OTUD7A: variants seen among roughly 807,000 people sequenced by gnomAD.
OTUD7A encodes the protein OTU deubiquitinase 7A.
OTUD7A carries 12 observed loss-of-function variants against 65.7 expected under a neutral mutation model. That is an observed-to-expected ratio of 0.18 (90% CI 0.12 to 0.30). The LOEUF is 0.30. Among genes scored for constraint, OTUD7A ranks in the 10% least tolerant of loss-of-function variants. The probability of loss-of-function intolerance (pLI) is 1.00; values close to 1 mark genes in which losing one functional copy is unlikely to be tolerated. For missense variants in OTUD7A, 1,148 were observed against 1,304.8 expected (o/e 0.88, Z 1.85); for synonymous variants, 641 against 586.3 (o/e 1.09, Z -1.35).
chr15:31,601,034 A>G lies in OTUD7A; in HGVS notation c.152-30837T>C, dbSNP rs142370516. ...TGGGAGACCTTAACAACCCACTGCC[A>G]ATATTAGACAGATCACTGAGACAGA... On this transcript the variant is annotated intron_variant, in intron 3 of 12. Transcript: ENST00000307050. Among the ~76,000 whole-genome samples the G allele has an allele frequency of 2.7e-3, 416 of 152,306 alleles. 1 individual carries two copies. The highest frequency in any genetic ancestry group is 4.7e-3 in the Non-Finnish European group (321 of 68,024).
At chr15:31,784,816 A>G (rs1269298898) in intron 1 of OTUD7A, among the ~76,000 whole-genome samples, 3 of 152,168 alleles carry the variant, frequency 2.0e-5, no homozygotes, top group Non-Finnish European at 4.4e-5. Context: ...TACTTTTTCA[A>G]AAAGAATGAA....
At position 31,483,548 on chromosome 15, in the gene OTUD7A, C is replaced by A; in HGVS notation, c.2548G>T (p.Ala850Ser). The change falls in exon 13 of 13, where the codon GCG becomes TCG. Residue 850 changes from alanine (A) to serine (S), a missense_variant. Ala to Ser is a moderately conservative substitution (Grantham distance 99). Transcript: ENST00000307050. ...ALPGAAGTAG[A>S]AEHKSQTYTN... ...TAGGTCTGCGACTTGTGCTCGGCCG[C>A]CCCCGCCGTCCCCGCCGCGCCCGGT... 1 of 1,314,336 alleles carries A rather than the reference C, an allele frequency of 7.6e-7. No homozygotes were observed. Among genetic ancestry groups the A allele is most frequent in the Non-Finnish European group, 9.7e-7 (1 of 1,029,050 alleles). The allele number at this position is 1,314,336 out of a possible 1,614,324, so 81.4% of individuals were successfully genotyped here. A position where few individuals can be genotyped will look rare whatever the true frequency, so the allele number is the denominator to read the frequency against.
At chr15:31,594,154 A>T (rs1259374000) in intron 3 of OTUD7A, among the ~76,000 whole-genome samples, 1 of 152,238 alleles carries the variant, frequency 6.6e-6, no homozygotes, top group Admixed American at 6.5e-5. Flanking sequence ...CCTAAAAATT[A>T]AAGTATGCTT....
In OTUD7A at chr15:31,846,340, G is replaced by A. The variant is rs146997578; in HGVS notation, c.-100+24167C>T. Reference sequence around the variant, plus strand: ...TTTCTTTTTTGGGTAGAGGTTTGTGGAGGAAGGGTATGGGATTACATATAA... The same window carrying A: ...TTTCTTTTTTGGGTAGAGGTTTGTGAAGGAAGGGTATGGGATTACATATAA... On this transcript the variant is annotated intron_variant, in intron 1 of 12. Transcript: ENST00000307050. 2.1e-3 allele frequency among the ~76,000 whole-genome samples: 326 copies of A among 152,304 alleles called. 1 individual carries two copies. The highest frequency in any genetic ancestry group is 7.6e-3 in the African/African-American group (315 of 41,548).
chr15:31,618,588 C>G (rs79756280), intron 3 of OTUD7A, among the ~76,000 whole-genome samples: 1 of 151,904 alleles, frequency 6.6e-6, no homozygotes, highest in Admixed American at 6.6e-5. Context: ...TTTTGAGAAG[C>G]GTCTGTTCAT....
chr15:31,667,226 C>A (rs925624544), intron 1 of OTUD7A, among the ~76,000 whole-genome samples: 3 of 134,946 alleles, frequency 2.2e-5, no homozygotes, highest in African/African-American at 9.7e-5. Flanking sequence ...CAGTGGAGTA[C>A]TGAAGTCCCC....
chr15:31,591,578 C>A (rs547936302), intron 3 of OTUD7A, among the ~76,000 whole-genome samples: 4 of 152,152 alleles, frequency 2.6e-5, no homozygotes, highest in African/African-American at 9.7e-5. Context: ...GGAACTTACA[C>A]CCCCAGCTCT....
intron 3 of OTUD7A, among the ~76,000 whole-genome samples, chr15:31,654,738 G>T (rs1471536455): frequency 6.6e-6 from 1 of 152,176 alleles, no homozygotes; most frequent in Non-Finnish European, 1.5e-5. Flanking sequence ...AAAAGCTGGA[G>T]GATGAAGGCT....
intron 5 of OTUD7A, among the ~76,000 whole-genome samples, chr15:31,539,067 A>G (rs932719533): frequency 1.4e-4 from 22 of 152,170 alleles, no homozygotes; most frequent in African/African-American, 4.8e-4. Context: ...TCTCCCCTGC[A>G]GTAGAGACTG....
At chr15:31,629,120 C>A (rs1891058802) in intron 3 of OTUD7A, among the ~76,000 whole-genome samples, 1 of 152,070 alleles carries the variant, frequency 6.6e-6, no homozygotes, top group South Asian at 2.1e-4. Context: ...CCAGAACTTC[C>A]AACACTATGT....
chr15:31,679,895 A>C (rs1477732734), intron 1 of OTUD7A, among the ~76,000 whole-genome samples: 1 of 152,228 alleles, frequency 6.6e-6, no homozygotes, highest in African/African-American at 2.4e-5. Context: ...ACATAACAGA[A>C]TAAGAAGTTC....
intron 5 of OTUD7A, among the ~76,000 whole-genome samples, chr15:31,538,036 T>C (rs1352314739): frequency 6.6e-6 from 1 of 152,230 alleles, no homozygotes; most frequent in African/African-American, 2.4e-5. Context: ...CAAATGTTCA[T>C]ACGTCCAAGA....
intron 1 of OTUD7A, chr15:31,767,153 G>T: frequency 7.4e-7 from 1 of 1,356,334 alleles, no homozygotes; most frequent in East Asian, 2.3e-5. Flanking sequence ...TGAGAAGGCG[G>T]CACTCAGTTG....
intron 3 of OTUD7A, among the ~76,000 whole-genome samples, chr15:31,621,883 T>A (rs1890797854): frequency 6.6e-6 from 1 of 152,204 alleles, no homozygotes; most frequent in African/African-American, 2.4e-5. Context: ...CAATTTGGCA[T>A]GTTTTTGCAG....
chr15:31,773,754 T>C lies in OTUD7A; in HGVS notation c.-100+96753A>G, dbSNP rs116288953. Among the ~76,000 whole-genome samples the C allele has an allele frequency of 1.8e-3, 273 of 152,316 alleles. 1 individual carries two copies. Among genetic ancestry groups the C allele is most frequent in the African/African-American group, 6.2e-3 (257 of 41,570 alleles). The stretch of plus-strand genomic sequence containing the variant: ...CTGGATGCTGGAGTTTTTGATGGGT[T>C]TAAATATATGAAATACACACACACA... On this transcript the variant is annotated intron_variant, in intron 1 of 12. Coordinates refer to ENST00000307050, the MANE Select transcript of OTUD7A (RefSeq NM_001382637.1).
intron 1 of OTUD7A, among the ~76,000 whole-genome samples, chr15:31,740,499 T>A (rs1464625561): frequency 6.6e-6 from 1 of 151,774 alleles, no homozygotes; most frequent in African/African-American, 2.4e-5. Context: ...GCCACTGCCT[T>A]CCCAGAGGAA....
intron 1 of OTUD7A, chr15:31,765,916 G>A: frequency 2.4e-6 from 3 of 1,275,380 alleles, no homozygotes; most frequent in African/African-American, 1.5e-5. Context: ...TCCTTTAGAG[G>A]TAAAGTCCTG....
At chr15:31,728,830 G>A (rs745823114) in intron 1 of OTUD7A, among the ~76,000 whole-genome samples, 9 of 152,190 alleles carry the variant, frequency 5.9e-5, no homozygotes, top group Non-Finnish European at 8.8e-5. Flanking sequence ...ATACTGTGAC[G>A]TCCAGGTAGG....
intron 3 of OTUD7A, among the ~76,000 whole-genome samples, chr15:31,637,388 CAGAA>C (rs1469486422): frequency 6.6e-6 from 1 of 152,170 alleles, no homozygotes; most frequent in Non-Finnish European, 1.5e-5. Flanking sequence ...ACATGCTGCT[CAGAA>C]AGAAAGATTT....
Sources: allele counts gnomAD v4.1 joint callset (sites outside exome capture counted in the v4.1 genomes callset), GRCh38; gene constraint gnomAD v4.1.1; transcripts MANE v1.5; gene names NCBI Gene and HGNC (gene_info 2026-07-23, HGNC 2026-07-21).